Variants in EFCAB9 observed in about 807,000 individuals in gnomAD.
EFCAB9 encodes EF-hand calcium-binding domain-containing protein 9.
EFCAB9 carries 16 observed loss-of-function variants against 15.6 expected under a neutral mutation model. The ratio of observed to expected loss-of-function variants is 1.03; its 90% CI spans 0.69 to 1.56. The LOEUF (loss-of-function observed/expected upper bound fraction) is 1.56. EFCAB9 is among the 40% of genes most tolerant of loss of function. The pLI is 0.00. For missense variants in EFCAB9, 208 were observed against 235.4 expected (o/e 0.88, Z 0.76); for synonymous variants, 76 against 85.4 (o/e 0.89, Z 0.61).
At chr5:172,201,114 G>A (rs777770740) in intron 3 of EFCAB9, among the ~76,000 whole-genome samples, 3 of 152,120 alleles carry the variant, frequency 2.0e-5, no homozygotes, top group African/African-American at 7.2e-5. Context: ...GGTGGCTCAC[G>A]CCTATAATGC....
rs1270608188 is a variant in EFCAB9 at position 172,197,412 on chromosome 5, C to T, written c.137-1971C>T. 5.9e-5 allele frequency among the ~76,000 whole-genome samples: 9 copies of T among 152,094 alleles called. No homozygotes were observed. In the East Asian group the frequency reaches 1.7e-3, roughly 29 times the overall value. On this transcript the variant is annotated intron_variant, in intron 1 of 3. Transcript: ENST00000398186. The stretch of plus-strand genomic sequence containing the variant: ...ATGAGCCACCGCGCCCAACGTGAGG[C>T]ACACCTTTGCTGCTCAATGTGTGGT...
At chr5:172,195,236 G>T (rs1771140812) in intron 1 of EFCAB9, among the ~76,000 whole-genome samples, 1 of 151,846 alleles carries the variant, frequency 6.6e-6, no homozygotes, top group South Asian at 2.1e-4. Context: ...AGCCATGCTT[G>T]TTGAGTTCAC....
intron 1 of EFCAB9, among the ~76,000 whole-genome samples, chr5:172,197,655 C>T (rs575725591): frequency 9.2e-5 from 14 of 152,250 alleles, no homozygotes; most frequent in African/African-American, 3.1e-4. Context: ...CTGGTGGGTT[C>T]GTGGTCTCCC....
At chr5:172,195,189 AAT>A (rs1295432663) in intron 1 of EFCAB9, among the ~76,000 whole-genome samples, 63 of 134,854 alleles carry the variant, frequency 4.7e-4, no homozygotes, top group African/African-American at 1.5e-3. Context: ...AATAAAAATA[AAT>A]AAATAAATAA....
chr5:172,194,692 C>A (rs1331614903), intron 1 of EFCAB9, among the ~76,000 whole-genome samples: 6 of 152,176 alleles, frequency 3.9e-5, no homozygotes, highest in African/African-American at 1.4e-4. Context: ...AGCTACCACA[C>A]CCGGCCTGTT....
At chr5:172,200,856 C>A in intron 3 of EFCAB9, 114 bp downstream of exon 3, 2 of 1,036,054 alleles carry the variant, frequency 1.9e-6, no homozygotes, top group Non-Finnish European at 1.4e-6. Context: ...GAAAAACCTA[C>A]TCAAATAAGC....
At chr5:172,197,586 T>C (rs537906714) in intron 1 of EFCAB9, among the ~76,000 whole-genome samples, 13 of 152,306 alleles carry the variant, frequency 8.5e-5, no homozygotes, top group South Asian at 4.1e-4. Context: ...AATGCTAATA[T>C]AGACTAATTG....
chr5:172,201,150 T>C (rs10072862), intron 3 of EFCAB9, among the ~76,000 whole-genome samples: 108,740 of 151,734 alleles, frequency 0.72, 39,257 homozygotes, highest in African/African-American at 0.82. Flanking sequence ...CCGAGGTGGG[T>C]GGATCACCTG....
Position 172,200,562 on chromosome 5 carries a change from A to C in EFCAB9, c.286-4A>C, listed in dbSNP as rs567745882. ...GCTCATCTCACCTATTTCTCTCGCA[A>C]TAGAACCATTTGGAAGGACAGTTTA... On this transcript the variant is annotated splice_region_variant and splice_polypyrimidine_tract_variant and intron_variant, in intron 2 of 3. Coordinates refer to ENST00000398186, the MANE Select transcript of EFCAB9 (RefSeq NM_001171183.2). 6.5e-7 allele frequency: 1 copy of C among 1,535,038 alleles called. No homozygotes were observed. The highest frequency in any genetic ancestry group is 1.4e-5 in the African/African-American group (1 of 73,064).
chr5:172,196,673 C>T (rs1288990048), intron 1 of EFCAB9, among the ~76,000 whole-genome samples: 5 of 151,690 alleles, frequency 3.3e-5, no homozygotes, highest in Non-Finnish European at 7.4e-5. Context: ...ACCGCACCTG[C>T]CCACTGGAGC....
chr5:172,198,847 C>CTCG (rs1205563162), intron 1 of EFCAB9, among the ~76,000 whole-genome samples: 2 of 152,326 alleles, frequency 1.3e-5, no homozygotes, highest in African/African-American at 4.8e-5. Flanking sequence ...AACTCCTGAC[C>CTCG]TCGTGATTTG....
intron 1 of EFCAB9, among the ~76,000 whole-genome samples, chr5:172,198,617 TTTG>T (rs1301933161): frequency 9.9e-5 from 15 of 152,166 alleles, no homozygotes; most frequent in East Asian, 5.8e-4. Flanking sequence ...GGGAATGACT[TTTG>T]TTGTTGTTGT....
chr5:172,200,134 G>C (rs1771232904), intron 2 of EFCAB9, among the ~76,000 whole-genome samples: 1 of 151,838 alleles, frequency 6.6e-6, no homozygotes, highest in Non-Finnish European at 1.5e-5. Flanking sequence ...GGCCAGGCTG[G>C]TCTCAAACTC....
intron 1 of EFCAB9, among the ~76,000 whole-genome samples, chr5:172,196,666 G>A (rs938151139): frequency 2.0e-5 from 3 of 152,060 alleles, no homozygotes; most frequent in South Asian, 2.1e-4. Flanking sequence ...GTGACCCACC[G>A]CACCTGCCCA....
At chr5:172,200,769 G>C (rs2306959) in intron 3 of EFCAB9, 27 bp downstream of exon 3, 1,035,545 of 1,522,074 alleles carry the variant, frequency 0.68, 354,534 homozygotes, top group African/African-American at 0.82. Context: ...AATGTGGCAT[G>C]TGTGTGGCAG....
chr5:172,203,187 T>TTC, intron 3 of EFCAB9, 27 bp from the exon 4 acceptor site: 1 of 1,430,780 alleles, frequency 7.0e-7, no homozygotes. Context: ...TGAAATAATT[T>TTC]TTCTTTCCCC....
chr5:172,199,282 A>C, intron 1 of EFCAB9, 101 bp from the exon 2 acceptor site: 1 of 1,333,048 alleles, frequency 7.5e-7, no homozygotes, highest in Non-Finnish European at 1.0e-6. Context: ...TTCCTAGATC[A>C]ATAAGCTTCC....
intron 3 of EFCAB9, among the ~76,000 whole-genome samples, chr5:172,201,515 C>T (rs945347319): frequency 3.9e-5 from 6 of 152,096 alleles, no homozygotes; most frequent in Non-Finnish European, 7.3e-5. Context: ...CCATTGCACT[C>T]CAGCCTGGGT....
At chr5:172,198,824 T>C (rs112825585) in intron 1 of EFCAB9, among the ~76,000 whole-genome samples, 10,956 of 152,196 alleles carry the variant, frequency 0.072, 483 homozygotes, top group Middle Eastern at 0.18. Context: ...CCATATTGGC[T>C]AGGCTGGTCT....
Sources: gnomAD v4.1 joint callset for allele counts (sites outside exome capture counted in the v4.1 genomes callset) on GRCh38, gnomAD v4.1.1 for gene constraint, MANE v1.5 for transcripts, NCBI Gene and HGNC (gene_info 2026-07-23, HGNC 2026-07-21) for gene names.